The following CLIP3 variants were observed in gnomAD, a reference collection of about 807,000 sequenced individuals.
CLIP3 encodes the protein CAP-Gly domain containing linker protein 3.
CLIP3 carries 15 observed loss-of-function variants against 59.4 expected under a neutral mutation model. That is an observed-to-expected ratio of 0.25 (90% CI 0.17 to 0.39). CLIP3 has a LOEUF of 0.39. Ranked by LOEUF, CLIP3 falls within the 10% of genes least tolerant of loss-of-function variation. The pLI is 1.00. For synonymous variants in CLIP3, 300 were observed against 321.6 expected, an observed-to-expected ratio of 0.93 and a Z score of 0.72; for missense variants, 495 against 765.7, an observed-to-expected ratio of 0.65 and a Z score of 4.17.
Position 36,032,313 on chromosome 19 carries a change from T to C in CLIP3, c.45A>G (p.Gly15=), listed in dbSNP as rs945725079. Residue 15 remains glycine (G), a synonymous_variant, in exon 2 of 14, where the codon GGA becomes GGG. Coordinates refer to ENST00000360535, the MANE Select transcript of CLIP3 (RefSeq NM_015526.3). This position sits in a 1 kb window ranked among gnomAD's most constrained non-coding sequence, Gnocchi z 4.3. ...CCTCCTCCTCCTCTTCTTCCTCCTCTCCTCGGGGTGGCGGGGCCATCGGGG... is the reference window on the plus strand; with the variant it reads ...CCTCCTCCTCCTCTTCTTCCTCCTCCCCTCGGGGTGGCGGGGCCATCGGGG... ...DPAPMAPPPR[G]EEEEEEEEDE... 28 of 1,277,212 alleles carry C rather than the reference T, an allele frequency of 2.2e-5. No homozygotes were observed. The highest frequency in any genetic ancestry group is 3.1e-5 in the African/African-American group (2 of 64,788). 79.1% of individuals were successfully genotyped at this position (1,277,212 alleles called of 1,614,324 possible). A position where few individuals can be genotyped will look rare whatever the true frequency, so the allele number is the denominator to read the frequency against.
rs1209731876 is a variant in CLIP3 at position 36,026,851 on chromosome 19, T to G, written c.400+101A>C. ...GGGACTATACTTTGGGATCCGAAGC[T>G]TCGGGTTCCAGATGGGGCCTGAGTT... On this transcript the variant is annotated intron_variant, in intron 4 of 13. Coordinates refer to ENST00000360535, the MANE Select transcript of CLIP3 (RefSeq NM_015526.3). The surrounding 1 kb of genome is among the most constrained non-coding windows in gnomAD (Gnocchi z 6.3). 6.5e-7 allele frequency: 1 copy of G among 1,531,576 alleles called. No homozygotes were observed. Among genetic ancestry groups the G allele is most frequent in the East Asian group, 2.3e-5 (1 of 43,816 alleles). 94.9% of individuals were successfully genotyped at this position (1,531,576 alleles called of 1,614,324 possible).
rs1052059018 is a variant in CLIP3 at position 36,016,603 on chromosome 19, C to T, written c.1589+304G>A. 1.3e-5 allele frequency among the ~76,000 whole-genome samples: 2 copies of T among 152,210 alleles called. No homozygotes were observed. The highest frequency in any genetic ancestry group is 2.4e-5 in the African/African-American group (1 of 41,446). On this transcript the variant is annotated intron_variant, in intron 13 of 13. Transcript: ENST00000360535. The surrounding 1 kb of genome is among the most constrained non-coding windows in gnomAD (Gnocchi z 4.1). ...CCTCAGGTGATCCGCCTGCCTTGGC[C>T]TCCCAAAGTGCTGGGATTAAAGGCA...
chr19:36,031,008 C>CTTTTTTTTTTTTTTTTCTTTTT (rs374690845), intron 2 of CLIP3, among the ~76,000 whole-genome samples: 1 of 77,838 alleles, frequency 1.3e-5, no homozygotes, highest in Non-Finnish European at 2.3e-5. Flanking sequence ...TTTTTCTTTT[C>CTTTTTTTTTTTTTTTTCTTTTT]TTTTTTTTTT....
At chr19:36,024,128 C>G (rs1969026614) in intron 7 of CLIP3, among the ~76,000 whole-genome samples, 1 of 152,178 alleles carries the variant, frequency 6.6e-6, no homozygotes, top group East Asian at 1.9e-4. Context: ...CTCTGCTCAC[C>G]CCTCCCCATG....
chr19:36,020,501 G>A (rs1342279040), intron 7 of CLIP3, among the ~76,000 whole-genome samples: 1 of 151,934 alleles, frequency 6.6e-6, no homozygotes, highest in African/African-American at 2.4e-5. Context: ...CTACTCGGGA[G>A]GCTGAGGCAG....
chr19:36,026,930 C>T lies in CLIP3; in HGVS notation c.400+22G>A, dbSNP rs1969129588. 1.3e-6 allele frequency: 2 copies of T among 1,528,700 alleles called. No homozygotes were observed. Among genetic ancestry groups the T allele is most frequent in the South Asian group, 2.6e-5 (2 of 77,120 alleles). The allele number at this position is 1,528,700 out of a possible 1,614,324, so 94.7% of individuals were successfully genotyped here. ...GGGGCCTAGGCTTTGGGGCTTATGACTTGGGGGTAGGGGGCCCTCACCGAC... is the reference window on the plus strand; with the variant it reads ...GGGGCCTAGGCTTTGGGGCTTATGATTTGGGGGTAGGGGGCCCTCACCGAC... On this transcript the variant is annotated intron_variant, in intron 4 of 13. Transcript: ENST00000360535. This position sits in a 1 kb window ranked among gnomAD's most constrained non-coding sequence, Gnocchi z 6.3.
In CLIP3 at chr19:36,026,110, C is replaced by T; in HGVS notation, c.681+37G>A. The T allele has an allele frequency of 4.0e-6, 6 of 1,506,738 alleles. No individual in the cohort carries two copies. The highest frequency in any genetic ancestry group is 5.5e-6 in the Non-Finnish European group (6 of 1,084,744). 93.3% of individuals were successfully genotyped at this position (1,506,738 alleles called of 1,614,324 possible). ...GGAGGGAAGTGGGGGAGGAAGGGAG[C>T]AGGAGGGTAACGGGTTCTGGGCAAG... On this transcript the variant is annotated intron_variant, in intron 6 of 13. Coordinates refer to ENST00000360535, the MANE Select transcript of CLIP3 (RefSeq NM_015526.3). The surrounding 1 kb of genome is among the most constrained non-coding windows in gnomAD (Gnocchi z 6.3).
chr19:36,024,221 C>T, intron 7 of CLIP3, 175 bp downstream of exon 7: 1 of 618,020 alleles, frequency 1.6e-6, no homozygotes, highest in South Asian at 2.0e-5. Flanking sequence ...CAGGGTGAGG[C>T]TCAAAGGAGA....
In CLIP3 at chr19:36,026,865, G is replaced by A; in HGVS notation, c.400+87C>T. 1 of 1,528,786 alleles carries A rather than the reference G, an allele frequency of 6.5e-7. No homozygotes were observed. The highest frequency in any genetic ancestry group is 8.8e-7 in the Non-Finnish European group (1 of 1,138,086). 94.7% of individuals were successfully genotyped at this position (1,528,786 alleles called of 1,614,324 possible). ...GGATCCGAAGCTTCGGGTTCCAGATGGGGCCTGAGTTCTGGGTGGTTTTCA... is the reference window on the plus strand; with the variant it reads ...GGATCCGAAGCTTCGGGTTCCAGATAGGGCCTGAGTTCTGGGTGGTTTTCA... On this transcript the variant is annotated intron_variant, in intron 4 of 13. Coordinates refer to ENST00000360535, the MANE Select transcript of CLIP3 (RefSeq NM_015526.3). This position sits in a 1 kb window ranked among gnomAD's most constrained non-coding sequence, Gnocchi z 6.3.
intron 2 of CLIP3, 95 bp from the exon 3 acceptor site, chr19:36,027,366 C>G: frequency 7.3e-7 from 1 of 1,364,178 alleles, no homozygotes; most frequent in Non-Finnish European, 9.8e-7. Context: ...TTTAGAGCCT[C>G]TAATGCAGGG....
chr19:36,024,378 C>T lies in CLIP3; in HGVS notation c.918+18G>A. 6.3e-7 allele frequency: 1 copy of T among 1,591,446 alleles called. No individual in the cohort carries two copies. Among genetic ancestry groups the T allele is most frequent in the Non-Finnish European group, 8.6e-7 (1 of 1,161,394 alleles). ...CCCACCCCCACCCACCATGCAAACA[C>T]ACATCCCAGCCCCTGACCTTCTGGC... is the stretch of plus-strand genomic sequence containing the variant. On this transcript the variant is annotated intron_variant, in intron 7 of 13. Transcript: ENST00000360535.
chr19:36,017,816 C>T, intron 10 of CLIP3, 32 bp downstream of exon 10: 1 of 1,614,150 alleles, frequency 6.2e-7, no homozygotes, highest in Non-Finnish European at 8.5e-7. Context: ...CAAGGCCCTG[C>T]CTGCCTCCCG....
Position 36,016,838 on chromosome 19 carries a change from G to A in CLIP3, c.1589+69C>T, listed in dbSNP as rs748033295. ...CCTGACCAGAGCTCCAGACCTCTGGGTCCAACTGCCTTATGGATCCCTCTC... is the reference window on the plus strand; with the variant it reads ...CCTGACCAGAGCTCCAGACCTCTGGATCCAACTGCCTTATGGATCCCTCTC... On this transcript the variant is annotated intron_variant, in intron 13 of 13. Coordinates refer to ENST00000360535, the MANE Select transcript of CLIP3 (RefSeq NM_015526.3). The surrounding 1 kb of genome is among the most constrained non-coding windows in gnomAD (Gnocchi z 4.1). 1 of 1,523,342 alleles carries A rather than the reference G, an allele frequency of 6.6e-7. No individual in the cohort carries two copies. The highest frequency in any genetic ancestry group is 1.8e-5 in the Admixed American group (1 of 54,830). The allele number at this position is 1,523,342 out of a possible 1,614,324, so 94.4% of individuals were successfully genotyped here. A position where few individuals can be genotyped will look rare whatever the true frequency, so the allele number is the denominator to read the frequency against.
chr19:36,023,362 C>T (rs938244744), intron 7 of CLIP3, among the ~76,000 whole-genome samples: 4 of 152,196 alleles, frequency 2.6e-5, no homozygotes, highest in African/African-American at 7.2e-5. Context: ...CCCCTTCCTG[C>T]CTCTGGGTCT....
At position 36,027,165 on chromosome 19, in the gene CLIP3, T is replaced by A. The variant is rs1403458504; in HGVS notation, c.273A>T (p.Gln91His). Residue 91 changes from glutamine (Q) to histidine (H), a missense_variant, in exon 3 of 14, where the codon CAA (glutamine) becomes CAT (histidine). Transcript: ENST00000360535. ...LFAIVRQWVPQVQHKIDVIGN... is the reference protein window; with the variant it reads ...LFAIVRQWVPHVQHKIDVIGN... The stretch of plus-strand genomic sequence containing the variant: ...CGATGACGTCTATCTTGTGCTGGAC[T>A]TGGGGCACCCACTGGCGCACAATGG... 1 of 1,613,498 alleles carries A rather than the reference T, an allele frequency of 6.2e-7. No homozygotes were observed.
intron 6 of CLIP3, among the ~76,000 whole-genome samples, chr19:36,024,894 C>T (rs1237639630): frequency 9.2e-5 from 14 of 152,158 alleles, no homozygotes; most frequent in Non-Finnish European, 1.3e-4. Context: ...GGTGAAACCT[C>T]GTCTGTACTA....
intron 7 of CLIP3, among the ~76,000 whole-genome samples, chr19:36,021,002 C>A (rs375460244): frequency 6.6e-6 from 1 of 152,056 alleles, no homozygotes; most frequent in Admixed American, 6.6e-5. Flanking sequence ...TACAGGTGAA[C>A]GCCACCAAAG....
intron 7 of CLIP3, among the ~76,000 whole-genome samples, chr19:36,024,081 C>T (rs982579344): frequency 2.0e-5 from 3 of 152,162 alleles, no homozygotes; most frequent in East Asian, 1.9e-4. Flanking sequence ...CCACAAGACC[C>T]GGGGGGAGCC....
In CLIP3 at chr19:36,016,332, C is replaced by G. The variant is rs1968798867; in HGVS notation, c.1590-120G>C. 9.0e-7 allele frequency: 1 copy of G among 1,117,302 alleles called. No individual in the cohort carries two copies. The highest frequency in any genetic ancestry group is 1.3e-6 in the Non-Finnish European group (1 of 751,046). 69.2% of individuals were successfully genotyped at this position (1,117,302 alleles called of 1,614,324 possible). A position where few individuals can be genotyped will look rare whatever the true frequency, so the allele number is the denominator to read the frequency against. ...GCCTTTCTGGATTCTGCCTCTACCT[C>G]TCTGGCTGTGGTTTGTTTGTTTGTT... On this transcript the variant is annotated intron_variant, in intron 13 of 13. Transcript: ENST00000360535. This position sits in a 1 kb window ranked among gnomAD's most constrained non-coding sequence, Gnocchi z 4.1.
Sources: allele counts gnomAD v4.1 joint callset (sites outside exome capture counted in the v4.1 genomes callset), GRCh38; gene constraint gnomAD v4.1.1; non-coding constraint Gnocchi (gnomAD v3.1); transcripts MANE v1.5; gene names NCBI Gene and HGNC (gene_info 2026-07-23, HGNC 2026-07-21).